The following BCKDHA variants were observed in gnomAD, a reference collection of about 807,000 sequenced individuals.
BCKDHA encodes branched chain keto acid dehydrogenase E1 subunit alpha.
In BCKDHA, 43 loss-of-function variants were observed where a neutral mutation model predicts 52.2. The observed-to-expected ratio is 0.82, with a 90% confidence interval of 0.64 to 1.06. The LOEUF (loss-of-function observed/expected upper bound fraction) is 1.06. Among genes scored for constraint, BCKDHA ranks in the 50% least tolerant of loss-of-function variants. The pLI, the probability that BCKDHA is intolerant of heterozygous loss-of-function variation, is 0.00. For missense variants in BCKDHA, 527 were observed against 621.3 expected (o/e 0.85, Z 1.61); for synonymous variants, 234 against 247.9 (o/e 0.94, Z 0.53).
chr19:41,407,726 G>A (rs1403246513), intron 1 of BCKDHA, among the ~76,000 whole-genome samples: 1 of 152,174 alleles, frequency 6.6e-6, no homozygotes, highest in Non-Finnish European at 1.5e-5. Context: ...AAGACGGAGG[G>A]ACACATTTGA....
At chr19:41,423,203 G>A (rs1377324865) in intron 8 of BCKDHA, 34 bp downstream of exon 8, 14 of 1,548,758 alleles carry the variant, frequency 9.0e-6, no homozygotes, top group Non-Finnish European at 1.2e-5. Context: ...GTGTGCTGGG[G>A]GCTGCTGCGG....
At chr19:41,412,209 C>G (rs370323833) in intron 3 of BCKDHA, among the ~76,000 whole-genome samples, 4 of 149,530 alleles carry the variant, frequency 2.7e-5, no homozygotes, top group African/African-American at 1.0e-4. Flanking sequence ...TGAACTTGAC[C>G]TCGACATCTT....
chr19:41,412,972 G>A (rs774987976), intron 3 of BCKDHA, among the ~76,000 whole-genome samples: 3 of 152,096 alleles, frequency 2.0e-5, no homozygotes, highest in South Asian at 2.1e-4. Flanking sequence ...CCAAAGTACC[G>A]GGATTACAGG....
chr19:41,422,594 C>G, intron 6 of BCKDHA, 35 bp from the exon 7 acceptor site: 1 of 1,613,058 alleles, frequency 6.2e-7, no homozygotes, highest in African/African-American at 1.3e-5. Context: ...CTTATCTCAG[C>G]CCTGGCCTGA....
intron 3 of BCKDHA, among the ~76,000 whole-genome samples, chr19:41,411,646 C>G (rs577469294): frequency 6.6e-6 from 1 of 152,312 alleles, no homozygotes; most frequent in African/African-American, 2.4e-5. Flanking sequence ...CTGGGCCACT[C>G]CTAGCTGCAG....
At chr19:41,409,016 C>T (rs2039223473) in intron 1 of BCKDHA, among the ~76,000 whole-genome samples, 1 of 152,126 alleles carries the variant, frequency 6.6e-6, no homozygotes, top group Admixed American at 6.6e-5. Context: ...TTGGTGCAAT[C>T]TGGGCTTATT....
Position 41,424,695 on chromosome 19 carries a change from C to A in BCKDHA, c.*87C>A. The A allele has an allele frequency of 7.1e-7, 1 of 1,416,250 alleles. No individual in the cohort carries two copies. Among genetic ancestry groups the A allele is most frequent in the East Asian group, 2.3e-5 (1 of 43,016 alleles). The allele number at this position is 1,416,250 out of a possible 1,614,324, so 87.7% of individuals were successfully genotyped here. On this transcript the variant is annotated 3_prime_UTR_variant, in exon 9 of 9. Transcript: ENST00000269980. Reference sequence around the variant, plus strand: ...GGAGCAGGGGGACCTGACAGCACACCACTGTCTTCCCCAGTCAGCTCCCTC... The same window carrying A: ...GGAGCAGGGGGACCTGACAGCACACAACTGTCTTCCCCAGTCAGCTCCCTC...
At chr19:41,413,507 T>G (rs1247281372) in intron 3 of BCKDHA, among the ~76,000 whole-genome samples, 2 of 152,184 alleles carry the variant, frequency 1.3e-5, no homozygotes, top group Non-Finnish European at 2.9e-5. Context: ...TCTCCTGGCT[T>G]GCTGCAATCA....
rs147510183 is a variant in BCKDHA at position 41,410,774 on chromosome 19, G to A, written c.246G>A (p.Met82Ile). Residue 82 changes from methionine (M) to isoleucine (I), a missense_variant, in exon 2 of 9, where the codon ATG becomes ATA. By Grantham distance (10) the Met-to-Ile change is conservative. Coordinates refer to ENST00000269980, the MANE Select transcript of BCKDHA (RefSeq NM_000709.4). Reference protein sequence around the residue: ...VISGIPIYRVMDRQGQIINPS... With the variant: ...VISGIPIYRVIDRQGQIINPS... Reference sequence around the variant, plus strand: ...CTGGAATCCCCATCTACCGCGTCATGGACCGGCAAGGCCAGATCATCAACC... The same window carrying A: ...CTGGAATCCCCATCTACCGCGTCATAGACCGGCAAGGCCAGATCATCAACC... The A allele has an allele frequency of 1.6e-4, 264 of 1,614,038 alleles. No homozygotes were observed. The highest frequency in any genetic ancestry group is 2.1e-4 in the Non-Finnish European group (245 of 1,180,042).
chr19:41,414,305 T>TCC, intron 4 of BCKDHA, 148 bp downstream of exon 4: 1 of 846,190 alleles, frequency 1.2e-6, no homozygotes, highest in Non-Finnish European at 1.9e-6. Context: ...CAAGCCAGGG[T>TCC]TAGGACTCTG....
Position 41,410,924 on chromosome 19 carries a change from T to A in BCKDHA, c.290T>A (p.Leu97Gln). The change falls in exon 3 of 9, where the codon CTG becomes CAG. Residue 97 changes from leucine to glutamine, a missense_variant and splice_region_variant. Leu to Gln is a moderately radical substitution (Grantham distance 113). Coordinates refer to ENST00000269980, the MANE Select transcript of BCKDHA (RefSeq NM_000709.4). ...QIINPSEDPH[L>Q]PKEKVLKLYK... ...GTCTATCTGTGCCTCCACCCGCAGC[T>A]GCCGAAGGAGAAGGTGCTGAAGCTC... 1 of 1,614,146 alleles carries A rather than the reference T, an allele frequency of 6.2e-7. No individual in the cohort carries two copies. The highest frequency in any genetic ancestry group is 1.1e-5 in the South Asian group (1 of 91,080).
rs1370434605 is a variant in BCKDHA, at chr19:41,410,903, A to G, written c.289-20A>G. 1.9e-6 allele frequency: 3 copies of G among 1,613,812 alleles called. No homozygotes were observed. Among genetic ancestry groups the G allele is most frequent in the South Asian group, 2.2e-5 (2 of 91,076 alleles). On this transcript the variant is annotated intron_variant, in intron 2 of 8. Coordinates refer to ENST00000269980, the MANE Select transcript of BCKDHA (RefSeq NM_000709.4). ...CTCTGGTCCCAACTGCCCCACGTCT[A>G]TCTGTGCCTCCACCCGCAGCTGCCG... is the stretch of plus-strand genomic sequence containing the variant.
At chr19:41,406,191 TATGTGGAGC>T (rs1292467933) in intron 1 of BCKDHA, among the ~76,000 whole-genome samples, 2 of 151,990 alleles carry the variant, frequency 1.3e-5, no homozygotes, top group Non-Finnish European at 2.9e-5. Context: ...CCAGCTGCAG[TATGTGGAGC>T]ACACTGGGGT....
intron 1 of BCKDHA, among the ~76,000 whole-genome samples, chr19:41,401,048 A>G (rs1451802704): frequency 3.3e-5 from 5 of 150,150 alleles, no homozygotes; most frequent in Non-Finnish European, 7.4e-5. Context: ...TGGCTGCCAC[A>G]TTAGATGGTG....
At chr19:41,418,340 A>T (rs1173624636) in intron 4 of BCKDHA, among the ~76,000 whole-genome samples, 1 of 152,120 alleles carries the variant, frequency 6.6e-6, no homozygotes, top group African/African-American at 2.4e-5. Context: ...GGGCAATCAC[A>T]AACCCCCTTC....
Position 41,421,116 on chromosome 19 carries a change from AG to A in BCKDHA, c.647-1043del, listed in dbSNP as rs1283642830. On this transcript the variant is annotated intron_variant, in intron 5 of 8. Transcript: ENST00000269980. ...AGCTTTCTCAGAGGAGGGGGCATTT[AG>A]GGGGCATTTGAGCTAAAGGTAATAG... is the stretch of plus-strand genomic sequence containing the variant. Among the ~76,000 whole-genome samples, 8 of 152,148 alleles carry A rather than the reference AG, an allele frequency of 5.3e-5. No individual in the cohort carries two copies. The East Asian group carries it at 7.7e-4, about 15-fold the overall frequency.
intron 8 of BCKDHA, among the ~76,000 whole-genome samples, chr19:41,424,073 A>G (rs2122149505): frequency 6.6e-6 from 1 of 151,128 alleles, no homozygotes; most frequent in Non-Finnish European, 1.5e-5. Flanking sequence ...TCAGTGTGCC[A>G]CCCTCCCTGG....
chr19:41,424,864 G>C lies in BCKDHA; in HGVS notation c.*256G>C. The C allele has an allele frequency of 2.2e-6, 1 of 464,506 alleles. No homozygotes were observed. Among genetic ancestry groups the C allele is most frequent in the Non-Finnish European group, 3.9e-6 (1 of 259,350 alleles). The allele number at this position is 464,506 out of a possible 1,614,324, so 28.8% of individuals were successfully genotyped here. A position where few individuals can be genotyped will look rare whatever the true frequency, so the allele number is the denominator to read the frequency against. On this transcript the variant is annotated 3_prime_UTR_variant, in exon 9 of 9. Coordinates refer to ENST00000269980, the MANE Select transcript of BCKDHA (RefSeq NM_000709.4). ...TGTTGTTACAGTGCCTTCTCCCAGG[G>C]GCTGGGTGAGGGCACATTCAGGACT... is the stretch of plus-strand genomic sequence containing the variant.
intron 1 of BCKDHA, among the ~76,000 whole-genome samples, chr19:41,405,137 T>TG (rs1599949709): frequency 2.6e-5 from 4 of 152,138 alleles, no homozygotes; most frequent in Non-Finnish European, 5.9e-5. Flanking sequence ...ACTCACTACT[T>TG]GTGTTTATGA....
Sources: allele counts gnomAD v4.1 joint callset (sites outside exome capture counted in the v4.1 genomes callset), GRCh38; gene constraint gnomAD v4.1.1; transcripts MANE v1.5; gene names NCBI Gene and HGNC (gene_info 2026-07-23, HGNC 2026-07-21).